The following GRIK4 variants were observed in gnomAD, a reference collection of about 807,000 sequenced individuals.
The protein encoded by GRIK4 is glutamate receptor ionotropic, kainate 4.
Under a neutral mutation model 104.9 loss-of-function variants are expected in GRIK4, and 40 were observed. That is an observed-to-expected ratio of 0.38 (90% CI 0.30 to 0.50). The LOEUF (loss-of-function observed/expected upper bound fraction) is 0.50. Among genes scored for constraint, GRIK4 ranks in the 20% least tolerant of loss-of-function variants. The pLI is 0.93. For synonymous variants in GRIK4, 485 were observed against 524.9 expected (o/e 0.92, Z 1.04); for missense variants, 1,047 against 1,308.1 (o/e 0.80, Z 3.08).
intron 3 of GRIK4, among the ~76,000 whole-genome samples, chr11:120,679,254 T>C (rs532266684): frequency 6.6e-6 from 1 of 152,198 alleles, no homozygotes; most frequent in Non-Finnish European, 1.5e-5. Flanking sequence ...CCTGTCTGCC[T>C]CTGGAGAGAC....
intron 3 of GRIK4, among the ~76,000 whole-genome samples, chr11:120,665,974 T>C (rs1949907298): frequency 6.6e-6 from 1 of 152,200 alleles, no homozygotes; most frequent in Non-Finnish European, 1.5e-5. Flanking sequence ...CATTGTGCAC[T>C]GTAACTTCAT....
At chr11:120,961,710 A>G (rs1565465010) in intron 17 of GRIK4, among the ~76,000 whole-genome samples, 1 of 152,248 alleles carries the variant, frequency 6.6e-6, no homozygotes, top group Non-Finnish European at 1.5e-5. Flanking sequence ...CAGCCAGACC[A>G]GATGGAATAG....
At chr11:120,572,536 G>A (rs893031745) in intron 1 of GRIK4, among the ~76,000 whole-genome samples, 11 of 152,070 alleles carry the variant, frequency 7.2e-5, no homozygotes, top group Admixed American at 6.5e-4. Flanking sequence ...GATTTGCCTG[G>A]CCTGCTTTAA....
chr11:120,812,050 A>G (rs1324253262), intron 4 of GRIK4, among the ~76,000 whole-genome samples: 1 of 152,226 alleles, frequency 6.6e-6, no homozygotes, highest in Non-Finnish European at 1.5e-5. Context: ...ATTGGAAATG[A>G]AGAATCCTGG....
At chr11:120,832,959 A>G (rs189892269) in intron 7 of GRIK4, among the ~76,000 whole-genome samples, 1 of 152,208 alleles carries the variant, frequency 6.6e-6, no homozygotes, top group East Asian at 1.9e-4. Context: ...GCCTCTTCTA[A>G]TGCCATTTTA....
intron 3 of GRIK4, among the ~76,000 whole-genome samples, chr11:120,718,123 C>T (rs1950868336): frequency 6.6e-6 from 1 of 152,138 alleles, no homozygotes; most frequent in Non-Finnish European, 1.5e-5. Context: ...CCTGACTTCT[C>T]CCTCCTGCCA....
At chr11:120,529,670 T>C (rs1170719175) in intron 1 of GRIK4, among the ~76,000 whole-genome samples, 1 of 152,234 alleles carries the variant, frequency 6.6e-6, no homozygotes, top group Non-Finnish European at 1.5e-5. Context: ...TTTCAATGTA[T>C]CCCTTGACTC....
intron 1 of GRIK4, among the ~76,000 whole-genome samples, chr11:120,617,026 T>A (rs1200105769): frequency 6.6e-6 from 1 of 152,108 alleles, no homozygotes; most frequent in Non-Finnish European, 1.5e-5. Flanking sequence ...GAGCAAAAAG[T>A]TCACTTAGGA....
intron 3 of GRIK4, among the ~76,000 whole-genome samples, chr11:120,701,522 T>C (rs1344364455): frequency 6.6e-6 from 1 of 152,250 alleles, no homozygotes; most frequent in Non-Finnish European, 1.5e-5. Flanking sequence ...CACTCATCCG[T>C]TGATAGACAC....
At chr11:120,580,255 T>C (rs199509856) in intron 1 of GRIK4, among the ~76,000 whole-genome samples, 2 of 119,818 alleles carry the variant, frequency 1.7e-5, no homozygotes, top group South Asian at 2.6e-4. Context: ...TTCTTTCTTT[T>C]TCTTTCTTTC....
chr11:120,962,506 G>T lies in GRIK4; in HGVS notation c.2091G>T (p.Lys697Asn). ...GCATGTGGAATTACATGTATTCCAA[G>T]CAGCCCAGCGTGTTCGTGAAGAGCA... ...YQRMWNYMYS[K>N]QPSVFVKSTE... Residue 697 changes from lysine to asparagine, a missense_variant, in exon 18 of 21, where the codon AAG becomes AAT. By Grantham distance (94) the Lys-to-Asn change is moderately conservative. Around this residue, in one of 3 missense-constraint regions of GRIK4, gnomAD observed 440 missense variants for 652.3 expected, o/e 0.67. Transcript: ENST00000527524. 6.2e-7 allele frequency: 1 copy of T among 1,614,114 alleles called. No individual in the cohort carries two copies. Among genetic ancestry groups the T allele is most frequent in the Non-Finnish European group, 8.5e-7 (1 of 1,180,006 alleles).
intron 1 of GRIK4, among the ~76,000 whole-genome samples, chr11:120,532,866 C>T (rs1181662094): frequency 6.6e-6 from 1 of 152,052 alleles, no homozygotes; most frequent in South Asian, 2.1e-4. Flanking sequence ...AAGGGCAGTG[C>T]CTGGAGACTT....
intron 1 of GRIK4, among the ~76,000 whole-genome samples, chr11:120,582,360 T>C (rs1948596446): frequency 6.6e-6 from 1 of 152,038 alleles, no homozygotes; most frequent in South Asian, 2.1e-4. Flanking sequence ...GTTTGTTATA[T>C]AGGTAAATTG....
chr11:120,908,172 G>A (rs868189218), intron 13 of GRIK4, among the ~76,000 whole-genome samples: 6 of 152,264 alleles, frequency 3.9e-5, no homozygotes, highest in Middle Eastern at 3.4e-3. Context: ...GGCCCAGGGA[G>A]GTTAGGTAAC....
intron 3 of GRIK4, among the ~76,000 whole-genome samples, chr11:120,695,318 C>T (rs1037240781): frequency 2.0e-5 from 3 of 152,252 alleles, no homozygotes; most frequent in Non-Finnish European, 4.4e-5. Context: ...CATTGGGCAG[C>T]TCTCCCACCC....
At chr11:120,785,640 G>A (rs544872790) in intron 3 of GRIK4, among the ~76,000 whole-genome samples, 94 of 152,306 alleles carry the variant, frequency 6.2e-4, no homozygotes, top group Middle Eastern at 6.8e-3. Flanking sequence ...AGTGCTTAAC[G>A]TGCCTAACAT....
intron 3 of GRIK4, among the ~76,000 whole-genome samples, chr11:120,715,450 C>T (rs183359083): frequency 1.3e-5 from 2 of 152,124 alleles, no homozygotes; most frequent in Non-Finnish European, 2.9e-5. Flanking sequence ...CATGAACCCC[C>T]CTAGAGGTTG....
chr11:120,778,502 C>T (rs1464293288), intron 3 of GRIK4, among the ~76,000 whole-genome samples: 1 of 152,202 alleles, frequency 6.6e-6, no homozygotes, highest in African/African-American at 2.4e-5. Flanking sequence ...GGCAATGTGT[C>T]ACCTGATTTA....
chr11:120,918,324 A>G (rs1006600781), intron 13 of GRIK4, among the ~76,000 whole-genome samples: 2 of 152,160 alleles, frequency 1.3e-5, no homozygotes, highest in African/African-American at 2.4e-5. Flanking sequence ...TGACAACCCT[A>G]TTGACCCATT....
Sources: gnomAD v4.1 joint callset for allele counts (sites outside exome capture counted in the v4.1 genomes callset) on GRCh38, gnomAD v4.1.1 for gene constraint, gnomAD v4.1.1 regional missense constraint, MANE v1.5 for transcripts, NCBI Gene and HGNC (gene_info 2026-07-23, HGNC 2026-07-21) for gene names.